The following LHX1 variants were observed in gnomAD, a reference collection of about 807,000 sequenced individuals.
LHX1 encodes the protein LIM/homeobox protein Lhx1.
In LHX1, 9 loss-of-function variants were observed where a neutral mutation model predicts 34.1. That is an observed-to-expected ratio of 0.26 (90% CI 0.16 to 0.46). The LOEUF (loss-of-function observed/expected upper bound fraction) is 0.46. LHX1 is among the 20% of genes least tolerant of loss of function. LHX1 has a pLI of 1.00. For missense variants in LHX1, 446 were observed against 559.1 expected (o/e 0.80, Z 2.04); for synonymous variants, 254 against 241.5 (o/e 1.05, Z -0.48).
At chr17:36,940,258 C>CCGGGGGG in intron 1 of LHX1, 32 bp from the exon 2 acceptor site, 5 of 528,890 alleles carry the variant, frequency 9.5e-6, no homozygotes, top group East Asian at 3.5e-5. Flanking sequence ...GACCCATCCC[C>CCGGGGGG]GCCCCCGCCC....
chr17:36,937,477 A>C lies in LHX1; in HGVS notation c.-721A>C. On this transcript the variant is annotated 5_prime_UTR_variant, in exon 1 of 5. Coordinates refer to ENST00000614239, the MANE Select transcript of LHX1 (RefSeq NM_005568.5). Reference sequence around the variant, plus strand: ...CTAAGCAACAACAGCAATCAACACCAAGATCTTCCTCCTACCCTCCCCTCT... The same window carrying C: ...CTAAGCAACAACAGCAATCAACACCCAGATCTTCCTCCTACCCTCCCCTCT... 3.1e-6 allele frequency: 1 copy of C among 324,770 alleles called. No homozygotes were observed. 20.1% of individuals were successfully genotyped at this position (324,770 alleles called of 1,614,324 possible).
chr17:36,940,551 C>A, intron 2 of LHX1, 35 bp downstream of exon 2: 1 of 1,613,638 alleles, frequency 6.2e-7, no homozygotes, highest in Non-Finnish European at 8.5e-7. Flanking sequence ...TAGGTGCAAG[C>A]GGGTCCTGGG....
chr17:36,939,419 G>T (rs992465224), intron 1 of LHX1, among the ~76,000 whole-genome samples: 2 of 152,220 alleles, frequency 1.3e-5, no homozygotes, highest in Admixed American at 6.5e-5. Context: ...GGGCCAAGAC[G>T]CGCTGTCCCC....
chr17:36,937,803 G>C lies in LHX1; in HGVS notation c.-395G>C, dbSNP rs1567955994. The C allele has an allele frequency of 2.1e-6, 1 of 486,836 alleles. No individual in the cohort carries two copies. The highest frequency in any genetic ancestry group is 4.0e-6 in the Non-Finnish European group (1 of 247,854). The allele number at this position is 486,836 out of a possible 1,614,324, so 30.2% of individuals were successfully genotyped here. A position where few individuals can be genotyped will look rare whatever the true frequency, so the allele number is the denominator to read the frequency against. On this transcript the variant is annotated 5_prime_UTR_variant, in exon 1 of 5. Coordinates refer to ENST00000614239, the MANE Select transcript of LHX1 (RefSeq NM_005568.5). ...CGCAACCCGAGCTCGGCGAGTCGTC[G>C]TCTTCTTCTTCTCCGTTTTTATTTA... is the stretch of plus-strand genomic sequence containing the variant.
At position 36,938,585 on chromosome 17, in the gene LHX1, C is replaced by G. The variant is rs577935035; in HGVS notation, c.170+218C>G. On this transcript the variant is annotated intron_variant, in intron 1 of 4. Coordinates refer to ENST00000614239, the MANE Select transcript of LHX1 (RefSeq NM_005568.5). ...CTGGAAACTATGGGTCTGGGTTTGG[C>G]TGCATGTGCCTGGGAAGAAAGGGTC... 4.6e-5 allele frequency: 29 copies of G among 635,694 alleles called. No individual in the cohort carries two copies. The African/African-American group carries it at 4.7e-4, about 10-fold the overall frequency. 39.4% of individuals were successfully genotyped at this position (635,694 alleles called of 1,614,324 possible).
chr17:36,939,093 A>G (rs1248732136), intron 1 of LHX1, among the ~76,000 whole-genome samples: 1 of 152,242 alleles, frequency 6.6e-6, no homozygotes, highest in Non-Finnish European at 1.5e-5. Flanking sequence ...GGAAACTGCC[A>G]GCCACAGCCA....
upstream of LHX1, chr17:36,937,053 A>C: frequency 3.5e-6 from 1 of 289,440 alleles, no homozygotes. Context: ...AAAAAAAAAA[A>C]AAGGAAGGAG....
Position 36,940,899 on chromosome 17 carries a change from G to A in LHX1, c.675+12G>A. 1 of 1,572,664 alleles carries A rather than the reference G, an allele frequency of 6.4e-7. No individual in the cohort carries two copies. The highest frequency in any genetic ancestry group is 8.6e-7 in the Non-Finnish European group (1 of 1,164,182). ...TGCGCGTCATTCAGGTCAGGCCCCG[G>A]CGCGCCTCTCCATCCCACAGAGGCC... On this transcript the variant is annotated intron_variant, in intron 3 of 4. Coordinates refer to ENST00000614239, the MANE Select transcript of LHX1 (RefSeq NM_005568.5).
chr17:36,942,923 G>C lies in LHX1; in HGVS notation c.1013G>C (p.Ser338Thr). Residue 338 changes from serine to threonine, a missense_variant, in exon 5 of 5, where the codon AGC becomes ACC. Physicochemically the swap from Ser to Thr is moderately conservative, Grantham distance 58 (BLOSUM62 1). Transcript: ENST00000614239. ...CCGCTGCCGGGCCACCACCCGTCGA[G>C]CGAGGCGCAGCGGTTTACCGACATC... is the stretch of plus-strand genomic sequence containing the variant. ...EHPLPGHHPS[S>T]EAQRFTDILA... is the part of the protein sequence containing the mutation. 1.9e-6 allele frequency: 3 copies of C among 1,603,840 alleles called. No individual in the cohort carries two copies. The highest frequency in any genetic ancestry group is 2.6e-6 in the Non-Finnish European group (3 of 1,175,620).
intron 3 of LHX1, among the ~76,000 whole-genome samples, chr17:36,941,765 T>TGTA (rs1404467950): frequency 1.8e-4 from 28 of 152,340 alleles, no homozygotes; most frequent in African/African-American, 6.0e-4. Flanking sequence ...TTGTAGGTTT[T>TGTA]GGTATCATAG....
Position 36,942,341 on chromosome 17 carries a change from A to T in LHX1, c.817A>T (p.Asn273Tyr). Reference protein sequence around the residue: ...DRLEPGELIPNGPFSFYGDYQ... With the variant: ...DRLEPGELIPYGPFSFYGDYQ... ...CCTGGAGCCGGGCGAGCTCATCCCC[A>T]ATGGTCCCTTCTCCTTCTACGGAGG... The change falls in exon 4 of 5, where the codon AAT (asparagine) becomes TAT (tyrosine). Residue 273 changes from asparagine (N) to tyrosine (Y), a missense_variant. By Grantham distance (143) the Asn-to-Tyr change is moderately radical. Coordinates refer to ENST00000614239, the MANE Select transcript of LHX1 (RefSeq NM_005568.5). 6.3e-7 allele frequency: 1 copy of T among 1,589,112 alleles called. No individual in the cohort carries two copies. The highest frequency in any genetic ancestry group is 8.6e-7 in the Non-Finnish European group (1 of 1,168,842).
rs1182355371 is a variant in LHX1, at chr17:36,942,183, G to A, written c.676-17G>A. On this transcript the variant is annotated splice_polypyrimidine_tract_variant and intron_variant, in intron 3 of 4. Transcript: ENST00000614239. ...GGTGGAGTCTCGGTGGCCTCACCCC[G>A]CCGCCATGTGCTGCAGGTCTGGTTC... 5 of 1,569,200 alleles carry A rather than the reference G, an allele frequency of 3.2e-6. No individual in the cohort carries two copies. The highest frequency in any genetic ancestry group is 3.4e-6 in the Non-Finnish European group (4 of 1,166,780).
intron 4 of LHX1, 69 bp downstream of exon 4, chr17:36,942,434 C>CGG: frequency 6.9e-7 from 1 of 1,457,090 alleles, no homozygotes; most frequent in Non-Finnish European, 9.4e-7. Flanking sequence ...GGTGGCAGCG[C>CGG]GGGGGGGCAC....
At chr17:36,936,839 G>A (rs1267998134), upstream of LHX1, 1 of 176,872 alleles carries the variant, frequency 5.7e-6, no homozygotes, top group African/African-American at 2.4e-5. Flanking sequence ...GCACCGGGGC[G>A]GCGACTGGGC....
chr17:36,940,258 C>CCCGGGGGGG, intron 1 of LHX1, 32 bp from the exon 2 acceptor site: 1 of 528,908 alleles, frequency 1.9e-6, no homozygotes, highest in Non-Finnish European at 3.3e-6. Context: ...GACCCATCCC[C>CCCGGGGGGG]GCCCCCGCCC....
At position 36,943,197 on chromosome 17, in the gene LHX1, GAAA is replaced by G. The variant is rs35033250; in HGVS notation, c.*75_*77del. The G allele has an allele frequency of 3.5e-5, 46 of 1,304,280 alleles. No homozygotes were observed. The Admixed American group carries it at 3.8e-4, about 11-fold the overall frequency. The allele number at this position is 1,304,280 out of a possible 1,614,324, so 80.8% of individuals were successfully genotyped here. On this transcript the variant is annotated 3_prime_UTR_variant, in exon 5 of 5. Transcript: ENST00000614239. ...AATGAACCTTTATTTAAGAAAAATA[GAAA>G]AAAAAAAACATAAAAAGCAAGTCCC...
chr17:36,938,922 CG>C (rs1320382266), intron 1 of LHX1: 94 of 232,040 alleles, frequency 4.1e-4, no homozygotes, highest in African/African-American at 1.9e-3. Context: ...TCCCCAAACC[CG>C]GACATGCCTC....
chr17:36,942,634 T>G, intron 4 of LHX1, 118 bp from the exon 5 acceptor site: 1 of 1,194,496 alleles, frequency 8.4e-7, no homozygotes, highest in Non-Finnish European at 1.1e-6. Context: ...CTCCCCGCGA[T>G]CCGCGAGTTC....
chr17:36,938,012 C>G lies in LHX1; in HGVS notation c.-186C>G. On this transcript the variant is annotated 5_prime_UTR_variant, in exon 1 of 5. Coordinates refer to ENST00000614239, the MANE Select transcript of LHX1 (RefSeq NM_005568.5). ...ACTTCACTGAGACGCCCCCCCAGGCCCCGATCAGCCTCGTTTCCTCCACCC... is the reference window on the plus strand; with the variant it reads ...ACTTCACTGAGACGCCCCCCCAGGCGCCGATCAGCCTCGTTTCCTCCACCC... 1.6e-6 allele frequency: 1 copy of G among 635,764 alleles called. No homozygotes were observed. The highest frequency in any genetic ancestry group is 1.9e-5 in the South Asian group (1 of 52,764). The allele number at this position is 635,764 out of a possible 1,614,324, so 39.4% of individuals were successfully genotyped here.
Sources: gnomAD v4.1 joint callset for allele counts (sites outside exome capture counted in the v4.1 genomes callset) on GRCh38, gnomAD v4.1.1 for gene constraint, MANE v1.5 for transcripts, NCBI Gene and HGNC (gene_info 2026-07-23, HGNC 2026-07-21) for gene names.